The following TRAPPC9 variants were observed in gnomAD, a reference collection of about 807,000 sequenced individuals.
TRAPPC9 encodes the protein trafficking protein particle complex subunit 9.
In TRAPPC9, 83 loss-of-function variants were observed where a neutral mutation model predicts 124.0. The observed-to-expected ratio is 0.67, with a 90% CI of 0.56 to 0.80. The LOEUF (loss-of-function observed/expected upper bound fraction) is 0.80. Ranked by LOEUF, TRAPPC9 falls within the 30% of genes least tolerant of loss-of-function variation. TRAPPC9 has a pLI of 0.00. For missense variants in TRAPPC9, 1,302 were observed against 1,508.3 expected, an observed-to-expected ratio of 0.86 and a Z score of 2.27; for synonymous variants, 638 against 617.5, an observed-to-expected ratio of 1.03 and a Z score of -0.49.
intron 17 of TRAPPC9, among the ~76,000 whole-genome samples, chr8:140,131,940 C>T (rs1209370097): frequency 6.6e-6 from 1 of 152,226 alleles, no homozygotes; most frequent in Non-Finnish European, 1.5e-5. Flanking sequence ...ACCGCTGTCC[C>T]TGCACCTTAC....
intron 17 of TRAPPC9, among the ~76,000 whole-genome samples, chr8:140,179,007 C>G (rs994936087): frequency 2.0e-5 from 3 of 152,050 alleles, no homozygotes; most frequent in Non-Finnish European, 4.4e-5. Flanking sequence ...CTTGGTAAGT[C>G]TGGCTAGAGG....
chr8:139,939,601 G>A (rs1364448379), intron 19 of TRAPPC9, among the ~76,000 whole-genome samples: 8 of 152,244 alleles, frequency 5.3e-5, no homozygotes, highest in South Asian at 2.1e-4. Flanking sequence ...CACCCCTGTC[G>A]TGGGGCTGAT....
At chr8:140,359,095 G>A (rs1162739780) in intron 9 of TRAPPC9, among the ~76,000 whole-genome samples, 2 of 152,176 alleles carry the variant, frequency 1.3e-5, no homozygotes, top group Admixed American at 1.3e-4. Flanking sequence ...AGAACAACAT[G>A]GGACACGTCT....
chr8:140,457,522 C>G (rs981446668), intron 1 of TRAPPC9, 117 bp downstream of exon 1: 2 of 857,256 alleles, frequency 2.3e-6, no homozygotes, highest in Admixed American at 6.2e-5. Context: ...TCCGCCCGGA[C>G]AGGTGAGGGC....
chr8:140,354,457 G>C (rs1276825264), intron 9 of TRAPPC9, among the ~76,000 whole-genome samples: 1 of 152,218 alleles, frequency 6.6e-6, no homozygotes, highest in Admixed American at 6.5e-5. Context: ...GGAGAACTCA[G>C]AGCCTTTCCA....
intron 21 of TRAPPC9, among the ~76,000 whole-genome samples, chr8:139,799,164 G>A (rs148142332): frequency 5.1e-4 from 78 of 152,172 alleles, no homozygotes; most frequent in Admixed American, 1.4e-3. Context: ...AGGATCCTGC[G>A]GGTAGATCTT....
At position 139,788,068 on chromosome 8, in the gene TRAPPC9, C is replaced by T. The variant is rs140999491; in HGVS notation, c.3056-55866G>A. Among the ~76,000 whole-genome samples the T allele has an allele frequency of 1.2e-3, 186 of 152,284 alleles. 2 individuals are homozygous for T. Among genetic ancestry groups the T allele is most frequent in the African/African-American group, 4.2e-3 (176 of 41,552 alleles). On this transcript the variant is annotated intron_variant, in intron 21 of 22. Transcript: ENST00000438773. The surrounding 1 kb of genome is among the most constrained non-coding windows in gnomAD (Gnocchi z 4.9). ...AGGGCATGGACTCAGAACTAGGAAC[C>T]CGAATTCCAACCAGGCTTCAGCCCA...
intron 21 of TRAPPC9, among the ~76,000 whole-genome samples, chr8:139,834,282 C>T (rs770731170): frequency 2.6e-5 from 4 of 152,230 alleles, no homozygotes; most frequent in Non-Finnish European, 1.5e-5. Context: ...ATGGTGCCTA[C>T]ACCAGCTGGC....
intron 21 of TRAPPC9, among the ~76,000 whole-genome samples, chr8:139,772,501 A>G (rs1480665548): frequency 5.3e-5 from 8 of 151,892 alleles, no homozygotes; most frequent in Admixed American, 2.0e-4. Flanking sequence ...GAAGTCCCAC[A>G]CTCTGCCTGT....
intron 17 of TRAPPC9, among the ~76,000 whole-genome samples, chr8:140,138,912 G>A (rs1302624794): frequency 6.6e-6 from 1 of 152,104 alleles, no homozygotes; most frequent in Non-Finnish European, 1.5e-5. Flanking sequence ...TGACCCAGGT[G>A]TGCAGTCTGA....
At chr8:140,187,112 C>A (rs1055989067) in intron 17 of TRAPPC9, among the ~76,000 whole-genome samples, 2 of 152,160 alleles carry the variant, frequency 1.3e-5, no homozygotes, top group African/African-American at 4.8e-5. Context: ...TACAGTCACC[C>A]CTCGAACTAC....
chr8:140,435,205 A>G lies in TRAPPC9; in HGVS notation c.766T>C (p.Tyr256His), dbSNP rs971216461. 6.2e-7 allele frequency: 1 copy of G among 1,614,070 alleles called. No individual in the cohort carries two copies. The highest frequency in any genetic ancestry group is 2.2e-5 in the East Asian group (1 of 44,876). The change falls in exon 4 of 23, where the codon TAT (tyrosine) becomes CAT (histidine). Residue 256 changes from tyrosine (Y) to histidine (H), a missense_variant. By Grantham distance (83) the Tyr-to-His change is moderately conservative. This residue lies in a region of TRAPPC9 where 657 missense variants were observed against 811.2 expected (regional missense o/e 0.81). Coordinates refer to ENST00000438773, the MANE Select transcript of TRAPPC9 (RefSeq NM_001160372.4). Reference protein sequence around the residue: ...LEGLCSASVIYHYPGGTGGKS... With the variant: ...LEGLCSASVIHHYPGGTGGKS... ...CCACCAGTTCCACCAGGATAGTGAT[A>G]GATGACAGAAGCTGAACACAATCCT...
chr8:139,783,178 A>G, intron 21 of TRAPPC9, among the ~76,000 whole-genome samples: 1 of 152,178 alleles, frequency 6.6e-6, no homozygotes, highest in Non-Finnish European at 1.5e-5. Flanking sequence ...AAAAGGATGA[A>G]CAGCAAAATG....
At chr8:139,858,948 C>A (rs1166757903) in intron 21 of TRAPPC9, among the ~76,000 whole-genome samples, 6 of 148,526 alleles carry the variant, frequency 4.0e-5, no homozygotes, top group Non-Finnish European at 7.4e-5. Flanking sequence ...GCCGTCTCCT[C>A]TGCTTCTGCA....
chr8:140,320,028 C>CT lies in TRAPPC9; in HGVS notation c.1496-8655dup, dbSNP rs201793066. On this transcript the variant is annotated intron_variant, in intron 9 of 22. Transcript: ENST00000438773. ...ATAGAAAGAGGGGAAAGAAGTACATCTTTTTTTTCTAAATCCAGAAGGAAA... is the reference window on the plus strand; with the variant it reads ...ATAGAAAGAGGGGAAAGAAGTACATCTTTTTTTTTCTAAATCCAGAAGGAAA... Among the ~76,000 whole-genome samples the CT allele has an allele frequency of 7.2e-4, 110 of 152,118 alleles. 1 individual carries two copies. The East Asian group carries it at 0.019, about 26-fold the overall frequency.
chr8:140,376,644 G>C (rs1286585252), intron 7 of TRAPPC9, among the ~76,000 whole-genome samples: 5 of 151,144 alleles, frequency 3.3e-5, no homozygotes, highest in Admixed American at 1.3e-4. Context: ...GGGAGGCTAA[G>C]GCAGGCAGAT....
intron 17 of TRAPPC9, among the ~76,000 whole-genome samples, chr8:140,117,150 C>A (rs1363527866): frequency 6.6e-6 from 1 of 152,174 alleles, no homozygotes; most frequent in Non-Finnish European, 1.5e-5. Context: ...CTTAACTGTG[C>A]ACACCATTTT....
chr8:140,035,539 A>G (rs1056561003), intron 17 of TRAPPC9, among the ~76,000 whole-genome samples: 1 of 152,234 alleles, frequency 6.6e-6, no homozygotes, highest in African/African-American at 2.4e-5. Context: ...GGCCCCTGCC[A>G]GACACAATGC....
intron 17 of TRAPPC9, among the ~76,000 whole-genome samples, chr8:140,092,076 C>CAAAA (rs531147407): frequency 2.0e-4 from 16 of 78,138 alleles, no homozygotes; most frequent in African/African-American, 7.5e-4. Context: ...CCAAGCACTC[C>CAAAA]AAAAAAAAAA....
Sources: allele counts gnomAD v4.1 joint callset (sites outside exome capture counted in the v4.1 genomes callset), GRCh38; gene constraint gnomAD v4.1.1; regional missense constraint gnomAD v4.1.1; non-coding constraint Gnocchi (gnomAD v3.1); transcripts MANE v1.5; gene names NCBI Gene and HGNC (gene_info 2026-07-23, HGNC 2026-07-21).